Variants in SAMD5 observed in about 807,000 individuals in gnomAD.
The protein encoded by SAMD5 is sterile alpha motif domain-containing protein 5.
A neutral mutation model predicts 11.3 loss-of-function variants in SAMD5; 13 were observed. The observed-to-expected ratio is 1.15, with a 90% CI of 0.75 to 1.83. The LOEUF (loss-of-function observed/expected upper bound fraction) is 1.83, where lower values mean the gene tolerates loss of function less well. Ranked by LOEUF, SAMD5 falls within the 40% of genes most tolerant of loss-of-function variation. SAMD5 has a pLI of 0.00. For missense variants in SAMD5, 255 were observed against 239.1 expected (o/e 1.07, Z -0.44); for synonymous variants, 129 against 111.3 (o/e 1.16, Z -1.00).
the SAMD5 span, among the ~76,000 whole-genome samples, chr6:147,809,083 C>T: frequency 6.6e-6 from 1 of 152,136 alleles, no homozygotes; most frequent in Non-Finnish European, 1.5e-5. Flanking sequence ...TATAGTAAAA[C>T]AGACGTTCAT....
intron 1 of SAMD5, among the ~76,000 whole-genome samples, chr6:147,613,686 G>A (rs1789820538): frequency 6.6e-6 from 1 of 151,486 alleles, no homozygotes; most frequent in Admixed American, 6.6e-5. Flanking sequence ...GAATGAGATT[G>A]AGAGAAACAG....
chr6:147,558,041 C>T (rs1788885602), intron 1 of SAMD5, among the ~76,000 whole-genome samples: 1 of 152,152 alleles, frequency 6.6e-6, no homozygotes, highest in South Asian at 2.1e-4. Context: ...ATATTAGCAG[C>T]CGTTTGCTGC....
At chr6:147,912,022 A>G in the SAMD5 span, among the ~76,000 whole-genome samples, 3 of 152,164 alleles carry the variant, frequency 2.0e-5, no homozygotes, top group South Asian at 6.2e-4. Flanking sequence ...GTGTGCAAGC[A>G]TGCAAGGCCC....
the SAMD5 span, among the ~76,000 whole-genome samples, chr6:147,796,635 T>C: frequency 6.6e-6 from 1 of 152,214 alleles, no homozygotes; most frequent in Non-Finnish European, 1.5e-5. Flanking sequence ...GGGATGGCAT[T>C]GAATCTATAA....
chr6:147,909,632 C>CCTTCCTTCCTTCCT, the SAMD5 span, among the ~76,000 whole-genome samples: 6 of 61,156 alleles, frequency 9.8e-5, no homozygotes, highest in African/African-American at 6.9e-4. Context: ...TTCTTTCTTT[C>CCTTCCTTCCTTCCT]TCTTTCTTGT....
At chr6:147,744,115 C>T in the SAMD5 span, among the ~76,000 whole-genome samples, 1 of 152,218 alleles carries the variant, frequency 6.6e-6, no homozygotes, top group East Asian at 1.9e-4. Flanking sequence ...GCACTGACTG[C>T]AAAAATGGTT....
At chr6:147,669,007 T>C (rs1790759392) in intron 1 of SAMD5, among the ~76,000 whole-genome samples, 1 of 152,274 alleles carries the variant, frequency 6.6e-6, no homozygotes, top group African/African-American at 2.4e-5. Flanking sequence ...AGGAGGGTCT[T>C]GCCCGATCTT....
the SAMD5 span, among the ~76,000 whole-genome samples, chr6:147,921,366 G>A: frequency 6.6e-6 from 1 of 150,408 alleles, no homozygotes; most frequent in African/African-American, 2.5e-5. Flanking sequence ...GGAGAGCCAA[G>A]GAAACATGTT....
intron 1 of SAMD5, among the ~76,000 whole-genome samples, chr6:147,613,732 G>C (rs778138113): frequency 6.6e-6 from 1 of 151,670 alleles, no homozygotes; most frequent in Non-Finnish European, 1.5e-5. Context: ...GGAGGAGGAA[G>C]AGGAAGAGCA....
At chr6:147,732,768 G>A (rs1289499456) in intron 1 of SAMD5, among the ~76,000 whole-genome samples, 1 of 152,120 alleles carries the variant, frequency 6.6e-6, no homozygotes, top group Non-Finnish European at 1.5e-5. Context: ...CTCTTCTCCT[G>A]TGCTTGTAAT....
chr6:147,813,588 A>G, the SAMD5 span, among the ~76,000 whole-genome samples: 1 of 152,248 alleles, frequency 6.6e-6, no homozygotes, highest in Non-Finnish European at 1.5e-5. Flanking sequence ...TTACTCAGTT[A>G]TACAGCTGGA....
intron 1 of SAMD5, among the ~76,000 whole-genome samples, chr6:147,643,358 CTTAA>C (rs1790342610): frequency 6.6e-6 from 1 of 152,022 alleles, no homozygotes; most frequent in Non-Finnish European, 1.5e-5. Flanking sequence ...ATTTTTTCCC[CTTAA>C]TTGTCTATGT....
At chr6:147,870,327 A>C in the SAMD5 span, among the ~76,000 whole-genome samples, 3 of 152,060 alleles carry the variant, frequency 2.0e-5, no homozygotes, top group Non-Finnish European at 2.9e-5. Context: ...TAGTATTCTC[A>C]GAGGCCTTCC....
At chr6:147,685,332 G>T (rs1790994119) in intron 1 of SAMD5, among the ~76,000 whole-genome samples, 1 of 152,078 alleles carries the variant, frequency 6.6e-6, no homozygotes, top group Non-Finnish European at 1.5e-5. Context: ...GAGTAGCTGG[G>T]ATTACAGGTG....
At chr6:147,669,473 G>A (rs1275276101) in intron 1 of SAMD5, among the ~76,000 whole-genome samples, 1 of 135,458 alleles carries the variant, frequency 7.4e-6, no homozygotes, top group Non-Finnish European at 1.5e-5. Flanking sequence ...TGTCACCCAG[G>A]CTGGAGTGCA....
intron 1 of SAMD5, among the ~76,000 whole-genome samples, chr6:147,540,585 G>C (rs531604281): frequency 1.2e-4 from 18 of 152,192 alleles, no homozygotes; most frequent in South Asian, 8.3e-4. Context: ...CAAGCTTATG[G>C]GGGTCTTAAA....
At chr6:147,910,015 C>T in the SAMD5 span, among the ~76,000 whole-genome samples, 3 of 152,050 alleles carry the variant, frequency 2.0e-5, no homozygotes, top group South Asian at 2.1e-4. Flanking sequence ...TGACAATTTT[C>T]GGGGAGAGCA....
intron 1 of SAMD5, among the ~76,000 whole-genome samples, chr6:147,712,898 T>C (rs562623978): frequency 2.0e-5 from 3 of 152,286 alleles, no homozygotes; most frequent in Admixed American, 2.0e-4. Flanking sequence ...ACAAAAAGGA[T>C]TGGAGCAGTT....
the SAMD5 span, among the ~76,000 whole-genome samples, chr6:147,936,560 C>A: frequency 6.6e-6 from 1 of 152,028 alleles, no homozygotes; most frequent in Admixed American, 6.6e-5. Context: ...GAAATTCACC[C>A]CCGTGATCCA....
Sources: gnomAD v4.1 joint callset for allele counts (sites outside exome capture counted in the v4.1 genomes callset) on GRCh38, gnomAD v4.1.1 for gene constraint, MANE v1.5 for transcripts, NCBI Gene and HGNC (gene_info 2026-07-23, HGNC 2026-07-21) for gene names.